Variants in MBP observed in about 807,000 individuals in gnomAD.
The protein encoded by MBP is Golli-MBP.
In MBP, 16 loss-of-function variants were observed where a neutral mutation model predicts 35.8. That is an observed-to-expected ratio of 0.45 (90% confidence interval 0.30 to 0.68). The LOEUF is 0.68. MBP is among the 30% of genes least tolerant of loss of function. The probability of loss-of-function intolerance (pLI) is 0.08; values close to 1 mark genes in which losing one functional copy is unlikely to be tolerated. For missense variants in MBP, 380 were observed against 404.7 expected, an observed-to-expected ratio of 0.94 and a Z score of 0.52; for synonymous variants, 143 against 159.6, an observed-to-expected ratio of 0.90 and a Z score of 0.78.
intron 2 of MBP, among the ~76,000 whole-genome samples, chr18:77,078,107 G>T (rs1487517428): frequency 6.6e-6 from 1 of 152,206 alleles, no homozygotes; most frequent in Non-Finnish European, 1.5e-5. Flanking sequence ...AGTGGAAGAT[G>T]CATTTTCATG....
At chr18:77,030,148 CAGGCAATGGTTAGGAGGCTGGG>C (rs1414834489) in intron 3 of MBP, among the ~76,000 whole-genome samples, 4 of 152,104 alleles carry the variant, frequency 2.6e-5, no homozygotes, top group African/African-American at 9.7e-5. Flanking sequence ...GGCTGGGAAT[CAGGCAATGGTTAGGAGGCTGGG>C]AATCAGACAA....
chr18:77,072,149 C>T (rs115414990), intron 2 of MBP, among the ~76,000 whole-genome samples: 2,213 of 152,192 alleles, frequency 0.015, 41 homozygotes, highest in African/African-American at 0.051. Context: ...GCGTACACAC[C>T]CCTCCGCCTC....
chr18:76,986,079 A>T, intron 7 of MBP: 1 of 985,552 alleles, frequency 1.0e-6, no homozygotes, highest in Non-Finnish European at 1.2e-6. Flanking sequence ...GGCGCGGTGG[A>T]CGTTAACAAT....
intron 2 of MBP, among the ~76,000 whole-genome samples, chr18:77,067,369 T>C (rs1974241475): frequency 6.6e-6 from 1 of 152,312 alleles, no homozygotes; most frequent in Non-Finnish European, 1.5e-5. Context: ...TCCTTCTTGC[T>C]TTTGCCAGGG....
chr18:77,120,572 C>A (rs1204192303), intron 1 of MBP, among the ~76,000 whole-genome samples: 1 of 152,230 alleles, frequency 6.6e-6, no homozygotes, highest in Admixed American at 6.5e-5. Flanking sequence ...TCATATCTGG[C>A]TTTCTCTGGG....
chr18:77,067,563 G>A (rs1215378014), intron 2 of MBP, among the ~76,000 whole-genome samples: 4 of 152,146 alleles, frequency 2.6e-5, no homozygotes, highest in African/African-American at 4.8e-5. Context: ...GAATGCACAT[G>A]GCCAAGGAGT....
At chr18:77,078,251 C>T (rs1220545661) in intron 2 of MBP, among the ~76,000 whole-genome samples, 12 of 152,204 alleles carry the variant, frequency 7.9e-5, no homozygotes, top group African/African-American at 1.9e-4. Flanking sequence ...ACATGGCAAA[C>T]GGCATCTTCC....
intron 2 of MBP, among the ~76,000 whole-genome samples, chr18:77,099,223 G>A (rs534881769): frequency 3.9e-5 from 6 of 152,314 alleles, no homozygotes; most frequent in African/African-American, 1.4e-4. Flanking sequence ...TATACGGGGG[G>A]TCTCAGTGTG....
At chr18:77,112,161 G>A (rs865987559) in intron 1 of MBP, among the ~76,000 whole-genome samples, 36 of 70,234 alleles carry the variant, frequency 5.1e-4, no homozygotes, top group Middle Eastern at 7.0e-3. Flanking sequence ...AATGAACACC[G>A]TGCACACGCA....
Position 77,066,302 on chromosome 18 carries a change from C to T in MBP, c.135G>A (p.Val45=), listed in dbSNP as rs1438847126. Residue 45 remains valine, a synonymous_variant, in exon 3 of 9, where the codon GTG becomes GTA. Transcript: ENST00000355994. The stretch of plus-strand genomic sequence containing the variant: ...GCCGATATCTGCGTCACCTACCGAA[C>T]ACTTCGTTGTCCTCTGAGGTTGTCC... ...LSRTTSEDNE[V]FGEADANQNN... The T allele has an allele frequency of 1.9e-6, 3 of 1,613,504 alleles. No individual in the cohort carries two copies. The African/African-American group carries it at 4.0e-5, about 22-fold the overall frequency.
chr18:76,980,350 CAG>C lies in MBP; in HGVS notation c.*75_*76del, dbSNP rs1555704465. 70 of 1,355,154 alleles carry C rather than the reference CAG, an allele frequency of 5.2e-5. No homozygotes were observed. Among genetic ancestry groups the C allele is most frequent in the East Asian group, 2.7e-4 (12 of 43,688 alleles). The allele number at this position is 1,355,154 out of a possible 1,614,324, so 83.9% of individuals were successfully genotyped here. A position where few individuals can be genotyped will look rare whatever the true frequency, so the allele number is the denominator to read the frequency against. ...GGGGTCATCTGCTCTAATTAGGTAA[CAG>C]GGGCAAGTGGGATTAAAGTTTTAAG... On this transcript the variant is annotated 3_prime_UTR_variant, in exon 9 of 9. Transcript: ENST00000355994.
chr18:77,001,955 A>G (rs1599521190), intron 4 of MBP, among the ~76,000 whole-genome samples: 1 of 152,144 alleles, frequency 6.6e-6, no homozygotes, highest in Non-Finnish European at 1.5e-5. Flanking sequence ...AACATCTTCT[A>G]ACTATCATTA....
At chr18:77,128,081 C>T (rs1229509259) in intron 1 of MBP, 3 of 152,216 alleles carry the variant, frequency 2.0e-5, no homozygotes, top group Non-Finnish European at 2.9e-5. Flanking sequence ...AAAACCTGTA[C>T]AAGAATGTTC....
chr18:77,119,671 A>G (rs1976827970), intron 1 of MBP, among the ~76,000 whole-genome samples: 1 of 152,162 alleles, frequency 6.6e-6, no homozygotes, highest in Non-Finnish European at 1.5e-5. Context: ...AGCCCCAGGG[A>G]GCCGAGAGCA....
intron 3 of MBP, among the ~76,000 whole-genome samples, chr18:77,032,243 A>C (rs1266337094): frequency 2.0e-5 from 3 of 152,202 alleles, no homozygotes; most frequent in African/African-American, 7.2e-5. Flanking sequence ...TGGGGTCACC[A>C]GGGAGGGCAA....
intron 4 of MBP, chr18:77,014,362 G>A (rs1364555419): frequency 1.0e-6 from 1 of 985,280 alleles, no homozygotes; most frequent in Non-Finnish European, 1.2e-6. Context: ...GGTCATGGGG[G>A]GGCTCCACTC....
intron 4 of MBP, among the ~76,000 whole-genome samples, chr18:77,010,693 A>T (rs919507501): frequency 6.6e-6 from 1 of 152,254 alleles, no homozygotes; most frequent in Admixed American, 6.5e-5. Flanking sequence ...CTACGCATTC[A>T]CCTGAGCTCT....
At chr18:77,085,196 A>T (rs1599215575) in intron 2 of MBP, among the ~76,000 whole-genome samples, 1 of 149,548 alleles carries the variant, frequency 6.7e-6, no homozygotes, top group African/African-American at 2.5e-5. Flanking sequence ...TCATATAATT[A>T]AAAAAAAAAC....
Position 77,017,139 on chromosome 18 carries a change from TG to T in MBP, c.268del (p.His90ThrfsTer2). The T allele has an allele frequency of 6.4e-7, 1 of 1,573,150 alleles. No homozygotes were observed. The highest frequency in any genetic ancestry group is 8.6e-7 in the Non-Finnish European group (1 of 1,157,090). On this transcript the variant is annotated frameshift_variant, in exon 4 of 9. Transcript: ENST00000355994. LOFTEE classifies it high-confidence loss of function. Reference sequence around the variant, plus strand: ...ATCTCGGGAAAAGAGGCGGATCAAGTGGGGGCGGCTCCCTGGGTCAGCTGGG... The same window carrying T: ...ATCTCGGGAAAAGAGGCGGATCAAGTGGGGCGGCTCCCTGGGTCAGCTGGG... ...AHPADPGSRP[H>X]LIRLFSRDAP... is the part of the protein sequence containing the mutation.
Sources: gnomAD v4.1 joint callset for allele counts (sites outside exome capture counted in the v4.1 genomes callset) on GRCh38, gnomAD v4.1.1 for gene constraint, MANE v1.5 for transcripts, NCBI Gene and HGNC (gene_info 2026-07-23, HGNC 2026-07-21) for gene names.